Variants in TBC1D16 observed in about 807,000 individuals in gnomAD.
TBC1D16 encodes CTD-2529O21.1.
TBC1D16 carries 58 observed loss-of-function variants against 74.7 expected under a neutral mutation model. The observed-to-expected ratio is 0.78, with a 90% CI of 0.63 to 0.97. TBC1D16 has a LOEUF of 0.97. Ranked by LOEUF, TBC1D16 falls within the 50% of genes least tolerant of loss-of-function variation. The pLI, the probability that TBC1D16 is intolerant of heterozygous loss-of-function variation, is 0.00. For synonymous variants in TBC1D16, 493 were observed against 474.7 expected (o/e 1.04, Z -0.50); for missense variants, 1,014 against 1,079.5 (o/e 0.94, Z 0.85).
rs1222778283 is a variant in TBC1D16, at chr17:80,010,545, G to A, written c.394C>T (p.Pro132Ser). Residue 132 changes from proline (P) to serine (S), a missense_variant, in exon 3 of 12, where the codon CCT becomes TCT. Transcript: ENST00000310924. The surrounding 1 kb of genome is among the most constrained non-coding windows in gnomAD (Gnocchi z 8.8). ...TCCTCATCTTTGGGGGTCAGGGTAG[G>A]CCGCAGCTCCGTCGGGGAGGGCTGG... ...SHQPSPTELR[P>S]TLTPKDEDIL... The A allele has an allele frequency of 6.2e-7, 1 of 1,609,716 alleles. No homozygotes were observed. The highest frequency in any genetic ancestry group is 8.5e-7 in the Non-Finnish European group (1 of 1,178,606).
intron 3 of TBC1D16, among the ~76,000 whole-genome samples, chr17:79,977,987 G>C (rs2034405695): frequency 6.6e-6 from 1 of 152,258 alleles, no homozygotes; most frequent in Non-Finnish European, 1.5e-5. Context: ...CCCACGGGAA[G>C]CTGGCTCTAT....
rs2035821919 is a variant in TBC1D16, at chr17:80,010,166, T to C, written c.773A>G (p.Asp258Gly). ...CCCAGAACCAGGAACTCACCTGCTG[T>C]CACTTTCCAGAAACACGGAGCCGCG... Reference protein sequence around the residue: ...ESRGSVFLESDSSPPSSSDAG... With the variant: ...ESRGSVFLESGSSPPSSSDAG... The change falls in exon 3 of 12, where the codon GAC becomes GGC. Residue 258 changes from aspartate to glycine, a missense_variant. By Grantham distance (94) the Asp-to-Gly change is moderately conservative. Transcript: ENST00000310924. This position sits in a 1 kb window ranked among gnomAD's most constrained non-coding sequence, Gnocchi z 8.8. The C allele has an allele frequency of 1.9e-6, 3 of 1,609,316 alleles. No homozygotes were observed. The highest frequency in any genetic ancestry group is 2.5e-6 in the Non-Finnish European group (3 of 1,177,586).
Position 79,941,981 on chromosome 17 carries a change from T to C in TBC1D16, c.2055+79A>G, listed in dbSNP as rs2032047204. On this transcript the variant is annotated intron_variant, in intron 11 of 11. Transcript: ENST00000310924. This position sits in a 1 kb window ranked among gnomAD's most constrained non-coding sequence, Gnocchi z 4.3. ...GGCGGGGCCCACATCTGGGGCAGCCTCACCTTTCTGAGAACGAGCTGGTGG... is the reference window on the plus strand; with the variant it reads ...GGCGGGGCCCACATCTGGGGCAGCCCCACCTTTCTGAGAACGAGCTGGTGG... The C allele has an allele frequency of 3.0e-6, 4 of 1,341,514 alleles. No homozygotes were observed. Among genetic ancestry groups the C allele is most frequent in the Non-Finnish European group, 3.9e-6 (4 of 1,017,802 alleles). The allele number at this position is 1,341,514 out of a possible 1,614,324, so 83.1% of individuals were successfully genotyped here.
At position 80,031,117 on chromosome 17, in the gene TBC1D16, G is replaced by C. The variant is rs186180232; in HGVS notation, c.-63+4678C>G. The stretch of plus-strand genomic sequence containing the variant: ...TCTTCCTGGGAACCCCTGGCTTTGC[G>C]GGTCAAAGGGCGATATGGAATCTTG... On this transcript the variant is annotated intron_variant, in intron 1 of 11. Coordinates refer to ENST00000310924, the MANE Select transcript of TBC1D16 (RefSeq NM_019020.4). Among the ~76,000 whole-genome samples, 7 of 152,200 alleles carry C rather than the reference G, an allele frequency of 4.6e-5. 1 individual carries two copies. In the South Asian group the frequency reaches 1.2e-3, roughly 27 times the overall value.
At chr17:80,011,694 T>C (rs1216192494) in intron 2 of TBC1D16, among the ~76,000 whole-genome samples, 8 of 151,956 alleles carry the variant, frequency 5.3e-5, no homozygotes, top group South Asian at 2.1e-4. Context: ...GGCGTGATGG[T>C]GGGCGCCTGT....
At chr17:79,945,496 G>A (rs560363379) in intron 9 of TBC1D16, among the ~76,000 whole-genome samples, 7 of 152,230 alleles carry the variant, frequency 4.6e-5, no homozygotes, top group South Asian at 2.1e-4. Context: ...CTTCGGCTAC[G>A]CTCACCCAGA....
rs746450905 is a variant in TBC1D16, at chr17:79,960,779, CAAAAAAAAAAAAAAAAA to C, written c.780-7978_780-7962del. Among the ~76,000 whole-genome samples, 9 of 33,948 alleles carry C rather than the reference CAAAAAAAAAAAAAAAAA, an allele frequency of 2.7e-4. No homozygotes were observed. The East Asian group carries it at 4.3e-3, about 16-fold the overall frequency. The allele number at this position is 33,948 out of a possible 152,430, so 22.3% of individuals were successfully genotyped here. On this transcript the variant is annotated intron_variant, in intron 3 of 11. Coordinates refer to ENST00000310924, the MANE Select transcript of TBC1D16 (RefSeq NM_019020.4). ...CAAAAAAACCCAAAAAACAAAAACC[CAAAAAAAAAAAAAAAAA>C]AAAAAAAAAAAAACGAAGGAATGAA...
chr17:79,968,955 A>C (rs1317544752), intron 3 of TBC1D16, among the ~76,000 whole-genome samples: 1 of 152,160 alleles, frequency 6.6e-6, no homozygotes, highest in Non-Finnish European at 1.5e-5. Context: ...TTTTTTAAAA[A>C]CACTTAAGAT....
At position 79,979,788 on chromosome 17, in the gene TBC1D16, A is replaced by G. The variant is rs572547518; in HGVS notation, c.780-26970T>C. 8.0e-4 allele frequency among the ~76,000 whole-genome samples: 122 copies of G among 151,906 alleles called. No individual in the cohort carries two copies. The highest frequency in any genetic ancestry group is 2.9e-3 in the African/African-American group (119 of 41,406). On this transcript the variant is annotated intron_variant, in intron 3 of 11. Coordinates refer to ENST00000310924, the MANE Select transcript of TBC1D16 (RefSeq NM_019020.4). The surrounding 1 kb of genome is among the most constrained non-coding windows in gnomAD (Gnocchi z 4.8). ...ACCAAAAGCTCACCCTGACTAGAGA[A>G]CCAAGCAGAGACTGAGGCCAGAGAA...
intron 1 of TBC1D16, among the ~76,000 whole-genome samples, chr17:80,019,534 C>G (rs1026372233): frequency 6.8e-6 from 1 of 147,514 alleles, no homozygotes; most frequent in Non-Finnish European, 1.5e-5. Context: ...ACTGTTTGCT[C>G]TCTAAAAACA....
chr17:79,965,183 G>A (rs1185395500), intron 3 of TBC1D16, among the ~76,000 whole-genome samples: 1 of 151,934 alleles, frequency 6.6e-6, no homozygotes, highest in Non-Finnish European at 1.5e-5. Context: ...AGGTTCAAGC[G>A]ATTCTCCTGC....
Position 79,955,013 on chromosome 17 carries a change from G to A in TBC1D16, c.780-2195C>T, listed in dbSNP as rs532202671. ...CAGAAGACTGGTCCCCTGGAGGGCC[G>A]GAGCCGATTTCAAACCAGGCAAGAG... is the stretch of plus-strand genomic sequence containing the variant. On this transcript the variant is annotated intron_variant, in intron 3 of 11. Coordinates refer to ENST00000310924, the MANE Select transcript of TBC1D16 (RefSeq NM_019020.4). Among the ~76,000 whole-genome samples the A allele has an allele frequency of 7.9e-5, 12 of 152,212 alleles. No individual in the cohort carries two copies. In the East Asian group the frequency reaches 1.5e-3, roughly 20 times the overall value.
rs2034926299 is a variant in TBC1D16, at chr17:79,988,405, G to A, written c.779+21755C>T. 6.6e-6 allele frequency among the ~76,000 whole-genome samples: 1 copy of A among 152,276 alleles called. No homozygotes were observed. The highest frequency in any genetic ancestry group is 2.1e-4 in the South Asian group (1 of 4,836). ...CTGAAACATTTTCCTTTTGTCGACTGTAGAGAGCTATGAGTCAGGTCCAAG... is the reference window on the plus strand; with the variant it reads ...CTGAAACATTTTCCTTTTGTCGACTATAGAGAGCTATGAGTCAGGTCCAAG... On this transcript the variant is annotated intron_variant, in intron 3 of 11. Transcript: ENST00000310924. The surrounding 1 kb of genome is among the most constrained non-coding windows in gnomAD (Gnocchi z 5.7).
chr17:79,943,416 C>T (rs997280733), intron 10 of TBC1D16, among the ~76,000 whole-genome samples: 7 of 152,142 alleles, frequency 4.6e-5, no homozygotes, highest in African/African-American at 7.2e-5. Flanking sequence ...ACAGGCAGGG[C>T]GTAGGGCCGT....
rs370890489 is a variant in TBC1D16, at chr17:79,986,304, C to A, written c.779+23856G>T. On this transcript the variant is annotated intron_variant, in intron 3 of 11. Transcript: ENST00000310924. The surrounding 1 kb of genome is among the most constrained non-coding windows in gnomAD (Gnocchi z 6.0). ...TGGACTTGGGGCCCCAGGTCTATATCCCAAGGCCACGTTCGCTTCATAAAC... is the reference window on the plus strand; with the variant it reads ...TGGACTTGGGGCCCCAGGTCTATATACCAAGGCCACGTTCGCTTCATAAAC... 1.4e-3 allele frequency among the ~76,000 whole-genome samples: 206 copies of A among 152,328 alleles called. 7 individuals carry two copies. The South Asian group carries it at 0.042, about 31-fold the overall frequency.
intron 3 of TBC1D16, among the ~76,000 whole-genome samples, chr17:79,996,453 G>T (rs112089988): frequency 6.6e-5 from 10 of 152,226 alleles, no homozygotes; most frequent in Admixed American, 2.0e-4. Context: ...CACCCATCAG[G>T]ATGCTTAAAA....
chr17:79,965,280 C>A (rs1050825524), intron 3 of TBC1D16, among the ~76,000 whole-genome samples: 2 of 152,024 alleles, frequency 1.3e-5, no homozygotes, highest in Non-Finnish European at 2.9e-5. Flanking sequence ...CAGGGTTTCA[C>A]CATGTTGGCC....
At chr17:79,967,740 G>A (rs138234744) in intron 3 of TBC1D16, among the ~76,000 whole-genome samples, 1 of 152,214 alleles carries the variant, frequency 6.6e-6, no homozygotes, top group Non-Finnish European at 1.5e-5. Flanking sequence ...GATATTGACA[G>A]GTTGACCCTA....
In TBC1D16 at chr17:79,934,436, C is replaced by A. The variant is rs1369195717; in HGVS notation, c.*6423G>T. 2 of 152,382 alleles carry A rather than the reference C, an allele frequency of 1.3e-5. No individual in the cohort carries two copies. The highest frequency in any genetic ancestry group is 2.9e-5 in the Non-Finnish European group (2 of 68,200). The allele number at this position is 152,382 out of a possible 1,614,324, so 9.4% of individuals were successfully genotyped here. ...GGCGGTGACATCAGGGGCCCCTGAG[C>A]CACCAGGTTCCTCCATCTTCATGTG... On this transcript the variant is annotated 3_prime_UTR_variant, in exon 12 of 12. Transcript: ENST00000310924.
Sources: gnomAD v4.1 joint callset for allele counts (sites outside exome capture counted in the v4.1 genomes callset) on GRCh38, gnomAD v4.1.1 for gene constraint, Gnocchi (gnomAD v3.1) non-coding constraint, MANE v1.5 for transcripts, NCBI Gene and HGNC (gene_info 2026-07-23, HGNC 2026-07-21) for gene names.